The following CAMTA1 variants were observed in gnomAD, a reference collection of about 807,000 sequenced individuals.
The protein encoded by CAMTA1 is calmodulin-binding transcription activator 1.
In CAMTA1, 27 loss-of-function variants were observed where a neutral mutation model predicts 170.9. The ratio of observed to expected loss-of-function variants is 0.16; its 90% confidence interval spans 0.12 to 0.22. The LOEUF (loss-of-function observed/expected upper bound fraction) is 0.22. CAMTA1 is among the 10% of genes least tolerant of loss of function. The pLI, the probability that CAMTA1 is intolerant of heterozygous loss-of-function variation, is 1.00. For synonymous variants in CAMTA1, 833 were observed against 891.5 expected (o/e 0.93, Z 1.17); for missense variants, 1,619 against 2,217.2 (o/e 0.73, Z 5.42).
intron 6 of CAMTA1, among the ~76,000 whole-genome samples, chr1:7,480,116 T>TGC (rs776230706): frequency 6.7e-6 from 1 of 149,084 alleles, no homozygotes; most frequent in African/African-American, 2.5e-5. Flanking sequence ...AGCGTGTGTG[T>TGC]GTGTGTGAGT....
At chr1:7,072,931 G>T (rs2147938709) in intron 3 of CAMTA1, among the ~76,000 whole-genome samples, 1 of 152,326 alleles carries the variant, frequency 6.6e-6, no homozygotes, top group Admixed American at 6.5e-5. Context: ...GGAGGACCTT[G>T]GCTTTGAGTC....
intron 4 of CAMTA1, among the ~76,000 whole-genome samples, chr1:7,217,648 A>G (rs2149106599): frequency 6.6e-6 from 1 of 152,208 alleles, no homozygotes; most frequent in East Asian, 1.9e-4. Flanking sequence ...AGAAATTCTC[A>G]TTTTTAGTCT....
chr1:6,867,222 C>G (rs185569075), intron 3 of CAMTA1, among the ~76,000 whole-genome samples: 6 of 152,250 alleles, frequency 3.9e-5, no homozygotes, highest in Non-Finnish European at 7.4e-5. Context: ...TTCTGCCCAC[C>G]CTTCTCCTCC....
chr1:7,304,084 T>C (rs1675213914), intron 5 of CAMTA1, among the ~76,000 whole-genome samples: 2 of 152,028 alleles, frequency 1.3e-5, no homozygotes, highest in African/African-American at 4.8e-5. Context: ...TGAAGAGTTA[T>C]TGCTTAAAGG....
intron 5 of CAMTA1, among the ~76,000 whole-genome samples, chr1:7,395,068 A>G (rs2089168209): frequency 6.6e-6 from 1 of 152,010 alleles, no homozygotes; most frequent in Non-Finnish European, 1.5e-5. Flanking sequence ...TTTTTGGTAG[A>G]GAAGGGGTTT....
At position 7,443,642 on chromosome 1, in the gene CAMTA1, T is replaced by C. The variant is rs754645544; in HGVS notation, c.439-24188T>C. ...AAGCAGAGATGATTGCAGTGCCCTA[T>C]AGTGCACCGTTGGGGTAGAGGGAGG... On this transcript the variant is annotated intron_variant, in intron 5 of 22. Coordinates refer to ENST00000303635, the MANE Select transcript of CAMTA1 (RefSeq NM_015215.4). The surrounding 1 kb of genome is among the most constrained non-coding windows in gnomAD (Gnocchi z 4.1). Among the ~76,000 whole-genome samples the C allele has an allele frequency of 6.6e-6, 1 of 152,052 alleles. No individual in the cohort carries two copies. The highest frequency in any genetic ancestry group is 6.5e-5 in the Admixed American group (1 of 15,278).
intron 1 of CAMTA1, among the ~76,000 whole-genome samples, chr1:6,793,123 T>C (rs2148068169): frequency 6.6e-6 from 1 of 152,208 alleles, no homozygotes; most frequent in South Asian, 2.1e-4. Flanking sequence ...ACAATAGTCA[T>C]AGCAACAGAA....
At chr1:6,932,054 T>A (rs993502464) in intron 3 of CAMTA1, among the ~76,000 whole-genome samples, 1 of 152,246 alleles carries the variant, frequency 6.6e-6, no homozygotes, top group South Asian at 2.1e-4. Flanking sequence ...AATTGACATA[T>A]AATAAATTAC....
chr1:7,462,573 C>T (rs1009401370), intron 5 of CAMTA1, among the ~76,000 whole-genome samples: 10 of 152,204 alleles, frequency 6.6e-5, no homozygotes, highest in Non-Finnish European at 1.3e-4. Context: ...TATTTTTGAA[C>T]AGCTGTGAGG....
At chr1:6,985,711 T>C (rs1183354990) in intron 3 of CAMTA1, among the ~76,000 whole-genome samples, 1 of 152,234 alleles carries the variant, frequency 6.6e-6, no homozygotes, top group East Asian at 1.9e-4. Context: ...CAATTACGTC[T>C]ATTATTAGCA....
intron 2 of CAMTA1, among the ~76,000 whole-genome samples, chr1:6,820,831 T>C (rs1646407309): frequency 6.6e-6 from 1 of 152,188 alleles, no homozygotes; most frequent in African/African-American, 2.4e-5. Flanking sequence ...CTTAATCACA[T>C]GTACCTCCAG....
rs1558119954 is a variant in CAMTA1 at position 7,680,859 on chromosome 1, C to CA, written c.2914+3126_2914+3127insA. 1.1e-3 allele frequency among the ~76,000 whole-genome samples: 84 copies of CA among 78,932 alleles called. No individual in the cohort carries two copies. The highest frequency in any genetic ancestry group is 6.8e-3 in the Middle Eastern group (1 of 146). 51.8% of individuals were successfully genotyped at this position (78,932 alleles called of 152,430 possible). ...CAGAGAACACGCGCGCGCGCGCGCG[C>CA]GCCAGCAGCAGCAGCAGCAGCAGCT... On this transcript the variant is annotated intron_variant, in intron 11 of 22. Transcript: ENST00000303635. This position sits in a 1 kb window ranked among gnomAD's most constrained non-coding sequence, Gnocchi z 4.4.
At chr1:6,910,821 G>T (rs1679530796) in intron 3 of CAMTA1, among the ~76,000 whole-genome samples, 1 of 152,222 alleles carries the variant, frequency 6.6e-6, no homozygotes, top group African/African-American at 2.4e-5. Flanking sequence ...TGGAGCTTTG[G>T]ACCCAGGCCC....
At chr1:6,838,332 C>T (rs976925899) in intron 3 of CAMTA1, among the ~76,000 whole-genome samples, 3 of 152,138 alleles carry the variant, frequency 2.0e-5, no homozygotes, top group African/African-American at 2.4e-5. Context: ...GGAAGAACTG[C>T]GGCAGACATG....
At chr1:7,596,799 C>T (rs1014027891) in intron 6 of CAMTA1, among the ~76,000 whole-genome samples, 2 of 152,214 alleles carry the variant, frequency 1.3e-5, no homozygotes, top group East Asian at 3.9e-4. Flanking sequence ...GGGCAGTGAG[C>T]CACTGCACAA....
chr1:7,716,110 G>A (rs2096608036), intron 11 of CAMTA1, among the ~76,000 whole-genome samples: 1 of 152,182 alleles, frequency 6.6e-6, no homozygotes, highest in African/African-American at 2.4e-5. Flanking sequence ...GAAGCTCACT[G>A]TGGCCTCCAC....
chr1:7,391,328 A>AGTGTGTGTGTGTGTGTGTGT (rs35663101), intron 5 of CAMTA1, among the ~76,000 whole-genome samples: 277 of 147,010 alleles, frequency 1.9e-3, no homozygotes, highest in African/African-American at 6.7e-3. Context: ...CCCTTTACAC[A>AGTGTGTGTGTGTGTGTGTGT]GTGTGTGTGT....
chr1:7,256,886 G>A lies in CAMTA1; in HGVS notation c.438+7260G>A, dbSNP rs558793017. 5.9e-5 allele frequency among the ~76,000 whole-genome samples: 9 copies of A among 152,244 alleles called. No individual in the cohort carries two copies. The East Asian group carries it at 1.5e-3, about 26-fold the overall frequency. On this transcript the variant is annotated intron_variant, in intron 5 of 22. Coordinates refer to ENST00000303635, the MANE Select transcript of CAMTA1 (RefSeq NM_015215.4). ...AGGGCCTGTTTCCTGGTGCATTTTG[G>A]TGTCTGGCAAGGGCCTGTTTCCTGG...
chr1:7,612,069 G>A (rs114344327), intron 6 of CAMTA1, among the ~76,000 whole-genome samples: 1,689 of 152,366 alleles, frequency 0.011, 19 homozygotes, highest in African/African-American at 0.038. Context: ...TGTTTTGGCA[G>A]TTGCCATCCA....
Sources: gnomAD v4.1 joint callset for allele counts (sites outside exome capture counted in the v4.1 genomes callset) on GRCh38, gnomAD v4.1.1 for gene constraint, Gnocchi (gnomAD v3.1) non-coding constraint, MANE v1.5 for transcripts, NCBI Gene and HGNC (gene_info 2026-07-23, HGNC 2026-07-21) for gene names.